CLVS1: variants seen among roughly 807,000 people sequenced by gnomAD.
The protein encoded by CLVS1 is clavesin-1.
In CLVS1, 10 loss-of-function variants were observed where a neutral mutation model predicts 33.1. The observed-to-expected ratio is 0.30, with a 90% confidence interval of 0.19 to 0.51. The LOEUF (loss-of-function observed/expected upper bound fraction) is 0.51, where lower values mean the gene tolerates loss of function less well. Ranked by LOEUF, CLVS1 falls within the 20% of genes least tolerant of loss-of-function variation. The pLI, the probability that CLVS1 is intolerant of heterozygous loss-of-function variation, is 0.97. For synonymous variants in CLVS1, 163 were observed against 166.1 expected (o/e 0.98, Z 0.14); for missense variants, 343 against 433.4 (o/e 0.79, Z 1.85).
At chr8:61,436,274 C>A (rs1299993739) in intron 3 of CLVS1, among the ~76,000 whole-genome samples, 1 of 152,188 alleles carries the variant, frequency 6.6e-6, no homozygotes, top group Non-Finnish European at 1.5e-5. Flanking sequence ...AAAACAAGAA[C>A]CACTTCTCTC....
the CLVS1 span, among the ~76,000 whole-genome samples, chr8:60,991,563 C>T: frequency 3.6e-4 from 55 of 152,234 alleles, no homozygotes; most frequent in African/African-American, 3.4e-4. Flanking sequence ...CTTTTCAGGA[C>T]GGCCACAGTC....
chr8:61,089,125 C>G (rs1225355729), intron 1 of CLVS1, among the ~76,000 whole-genome samples: 1 of 152,154 alleles, frequency 6.6e-6, no homozygotes, highest in Non-Finnish European at 1.5e-5. Context: ...ATTTGCCAAT[C>G]TAGCAGGTTT....
intron 3 of CLVS1, among the ~76,000 whole-genome samples, chr8:61,448,663 G>A (rs1204485197): frequency 6.6e-6 from 1 of 151,296 alleles, no homozygotes; most frequent in Non-Finnish European, 1.5e-5. Context: ...ATCACTTGAG[G>A]CCGGGAGTCT....
At position 61,456,999 on chromosome 8, in the gene CLVS1, G is replaced by A. The variant is rs546845683; in HGVS notation, c.742-1308G>A. ...GTTGCCCAGGCTGGAGTGCAGTGGC[G>A]TGATCTCAGCCCACTGCAACCTCCG... On this transcript the variant is annotated intron_variant, in intron 4 of 5. Coordinates refer to ENST00000325897, the MANE Select transcript of CLVS1 (RefSeq NM_173519.3). Among the ~76,000 whole-genome samples the A allele has an allele frequency of 7.5e-4, 114 of 151,250 alleles. No homozygotes were observed. In the South Asian group the frequency reaches 9.0e-3, roughly 12 times the overall value.
intron 2 of CLVS1, among the ~76,000 whole-genome samples, chr8:61,138,970 C>T (rs1029764575): frequency 6.6e-6 from 1 of 152,260 alleles, no homozygotes; most frequent in African/African-American, 2.4e-5. Flanking sequence ...GAAAGTCGTC[C>T]GCGACAATGG....
chr8:61,396,770 C>T (rs531766848), intron 3 of CLVS1, among the ~76,000 whole-genome samples: 20 of 152,282 alleles, frequency 1.3e-4, no homozygotes, highest in Admixed American at 5.9e-4. Context: ...CTGGACATTT[C>T]GCATAAATGG....
At chr8:61,412,838 T>TA in intron 3 of CLVS1, among the ~76,000 whole-genome samples, 1 of 152,214 alleles carries the variant, frequency 6.6e-6, no homozygotes, top group South Asian at 2.1e-4. Flanking sequence ...CAAGAACTGG[T>TA]ATTAAGAAGC....
intron 2 of CLVS1, among the ~76,000 whole-genome samples, chr8:61,195,048 C>T (rs2978509): frequency 0.52 from 78,437 of 151,438 alleles, 21,031 homozygotes; most frequent in Middle Eastern, 0.69. Context: ...TCAAAACATG[C>T]GGGATACAGC....
At chr8:61,076,434 T>C (rs1804912106) in intron 1 of CLVS1, among the ~76,000 whole-genome samples, 1 of 152,110 alleles carries the variant, frequency 6.6e-6, no homozygotes, top group African/African-American at 2.4e-5. Context: ...GCAAATGTAC[T>C]GAGTAGCCTG....
chr8:61,183,500 T>A (rs1563435037), intron 2 of CLVS1, among the ~76,000 whole-genome samples: 1 of 152,186 alleles, frequency 6.6e-6, no homozygotes, highest in South Asian at 2.1e-4. Flanking sequence ...TAATTTTTTT[T>A]ATCTCTTCTC....
chr8:61,255,302 A>C (rs939373672), intron 2 of CLVS1, among the ~76,000 whole-genome samples: 2 of 152,202 alleles, frequency 1.3e-5, no homozygotes, highest in African/African-American at 4.8e-5. Context: ...GACACTAAAC[A>C]TCTGATCTTT....
chr8:61,255,022 C>G (rs1470777108), intron 2 of CLVS1, among the ~76,000 whole-genome samples: 1 of 152,226 alleles, frequency 6.6e-6, no homozygotes, highest in Non-Finnish European at 1.5e-5. Flanking sequence ...TAGACTGGAG[C>G]TGTTCCTATT....
chr8:61,067,192 T>C (rs566249901), intron 1 of CLVS1, among the ~76,000 whole-genome samples: 1 of 152,088 alleles, frequency 6.6e-6, no homozygotes, highest in Non-Finnish European at 1.5e-5. Context: ...TATTGTAATT[T>C]TACATTAGTT....
chr8:61,497,597 C>T (rs1804313207), intron 5 of CLVS1, among the ~76,000 whole-genome samples: 1 of 152,094 alleles, frequency 6.6e-6, no homozygotes, highest in East Asian at 1.9e-4. Flanking sequence ...CAGTATTGTC[C>T]CTTCATGGTT....
At chr8:61,473,215 G>A (rs1048651079) in intron 5 of CLVS1, among the ~76,000 whole-genome samples, 1 of 151,928 alleles carries the variant, frequency 6.6e-6, no homozygotes, top group African/African-American at 2.4e-5. Flanking sequence ...CCCTGCATTT[G>A]GAAGGACCAG....
intron 3 of CLVS1, among the ~76,000 whole-genome samples, chr8:61,433,029 C>T (rs1816174293): frequency 6.6e-6 from 1 of 152,214 alleles, no homozygotes; most frequent in Non-Finnish European, 1.5e-5. Flanking sequence ...TCACAGTTCC[C>T]CACAGCCTCA....
At chr8:61,045,924 C>T in the CLVS1 span, among the ~76,000 whole-genome samples, 2 of 152,142 alleles carry the variant, frequency 1.3e-5, no homozygotes, top group African/African-American at 4.8e-5. Context: ...AAAATTTTCT[C>T]CCATTTTGTA....
chr8:61,477,000 A>G (rs1045545774), intron 5 of CLVS1, among the ~76,000 whole-genome samples: 17 of 151,892 alleles, frequency 1.1e-4, no homozygotes, highest in Non-Finnish European at 5.9e-5. Context: ...GAGAGTTTCT[A>G]GCATGAAGGT....
At chr8:61,381,040 C>T (rs1024108262) in intron 3 of CLVS1, among the ~76,000 whole-genome samples, 2 of 152,012 alleles carry the variant, frequency 1.3e-5, no homozygotes, top group Admixed American at 6.6e-5. Context: ...TGGAAGAGAT[C>T]CAGAAAGCTA....
Sources: allele counts gnomAD v4.1 joint callset (sites outside exome capture counted in the v4.1 genomes callset), GRCh38; gene constraint gnomAD v4.1.1; transcripts MANE v1.5; gene names NCBI Gene and HGNC (gene_info 2026-07-23, HGNC 2026-07-21).